The following CD38 variants were observed in gnomAD, a reference collection of about 807,000 sequenced individuals.
CD38 encodes CD38 molecule.
CD38 carries 31 observed loss-of-function variants against 36.3 expected under a neutral mutation model. The observed-to-expected ratio is 0.85, with a 90% CI of 0.64 to 1.15. CD38 has a LOEUF of 1.15. Ranked by LOEUF, CD38 falls within the 50% of genes most tolerant of loss-of-function variation. The pLI is 0.00. For synonymous variants in CD38, 131 were observed against 135.2 expected (o/e 0.97, Z 0.22); for missense variants, 380 against 371.9 (o/e 1.02, Z -0.18).
At chr4:15,788,488 A>G (rs1577633995) in intron 1 of CD38, among the ~76,000 whole-genome samples, 1 of 134,332 alleles carries the variant, frequency 7.4e-6, no homozygotes, top group African/African-American at 2.7e-5. Context: ...CAGGTCCCCA[A>G]ACAGAGGGGA....
chr4:15,829,517 C>T lies in CD38; in HGVS notation c.499+4501C>T, dbSNP rs1305109586. ...GGGCTGAAAAAAAATCGCAAAAAAT[C>T]TCCTAATTTCTAAGAAAGTTTATGA... On this transcript the variant is annotated intron_variant, in intron 3 of 7. Coordinates refer to ENST00000226279, the MANE Select transcript of CD38 (RefSeq NM_001775.4). Among the ~76,000 whole-genome samples, 4 of 152,178 alleles carry T rather than the reference C, an allele frequency of 2.6e-5. No homozygotes were observed. The South Asian group carries it at 8.3e-4, about 32-fold the overall frequency.
intron 1 of CD38, among the ~76,000 whole-genome samples, chr4:15,809,756 C>T (rs1723424835): frequency 6.6e-6 from 1 of 152,200 alleles, no homozygotes; most frequent in Non-Finnish European, 1.5e-5. Context: ...CTGATGAAGA[C>T]TTCCAATTTT....
intron 1 of CD38, among the ~76,000 whole-genome samples, chr4:15,780,363 C>G (rs1264146201): frequency 7.9e-5 from 12 of 152,126 alleles, no homozygotes; most frequent in African/African-American, 2.9e-4. Context: ...TAATTGTTCC[C>G]TCAGTATCAG....
chr4:15,805,814 C>T (rs1021281007), intron 1 of CD38, among the ~76,000 whole-genome samples: 1 of 152,178 alleles, frequency 6.6e-6, no homozygotes, highest in South Asian at 2.1e-4. Context: ...CAGTCTTTAC[C>T]TTCAACACAG....
intron 1 of CD38, among the ~76,000 whole-genome samples, chr4:15,786,457 T>C (rs576549623): frequency 6.6e-6 from 1 of 152,086 alleles, no homozygotes; most frequent in Non-Finnish European, 1.5e-5. Flanking sequence ...ATCCCTTAGC[T>C]AGACATAAAG....
At chr4:15,801,674 C>T (rs528237200) in intron 1 of CD38, among the ~76,000 whole-genome samples, 17 of 152,110 alleles carry the variant, frequency 1.1e-4, no homozygotes, top group Non-Finnish European at 1.5e-4. Context: ...ATCCCATCAA[C>T]GGAATGAAGG....
chr4:15,794,082 TAA>T (rs1349721759), intron 1 of CD38, among the ~76,000 whole-genome samples: 4 of 152,192 alleles, frequency 2.6e-5, no homozygotes, highest in Non-Finnish European at 4.4e-5. Flanking sequence ...AAACAACTCG[TAA>T]GTTTTAAATT....
intron 7 of CD38, among the ~76,000 whole-genome samples, chr4:15,841,040 TA>T (rs577007427): frequency 1.4e-4 from 21 of 148,850 alleles, no homozygotes; most frequent in Admixed American, 2.7e-4. Context: ...TTTTTTAAAT[TA>T]AAAAAAAAAG....
intron 1 of CD38, among the ~76,000 whole-genome samples, chr4:15,801,306 T>G (rs1723218578): frequency 6.6e-6 from 1 of 151,846 alleles, no homozygotes; most frequent in Non-Finnish European, 1.5e-5. Context: ...ATAAAAAGTT[T>G]CCCAATTAAA....
At chr4:15,841,988 C>T (rs1476663864) in intron 7 of CD38, among the ~76,000 whole-genome samples, 7 of 141,504 alleles carry the variant, frequency 4.9e-5, no homozygotes, top group Admixed American at 2.1e-4. Context: ...GGGGGAGGGG[C>T]GCCCGCCATT....
At chr4:15,794,635 A>G (rs1042450936) in intron 1 of CD38, among the ~76,000 whole-genome samples, 6 of 152,142 alleles carry the variant, frequency 3.9e-5, no homozygotes, top group Non-Finnish European at 8.8e-5. Context: ...AACAAATTCA[A>G]GAAAAAAACA....
intron 4 of CD38, among the ~76,000 whole-genome samples, chr4:15,837,693 C>G (rs1323000356): frequency 1.3e-5 from 2 of 152,112 alleles, no homozygotes; most frequent in African/African-American, 4.8e-5. Flanking sequence ...TATGGTGTTC[C>G]CATTTCCCTC....
At chr4:15,831,553 A>T (rs1278388605) in intron 3 of CD38, among the ~76,000 whole-genome samples, 1 of 151,744 alleles carries the variant, frequency 6.6e-6, no homozygotes, top group African/African-American at 2.4e-5. Context: ...CAGATATACT[A>T]TTCTAGAGTA....
chr4:15,780,538 A>ACACACACACACACACACG (rs1560303850), intron 1 of CD38, among the ~76,000 whole-genome samples: 35 of 150,936 alleles, frequency 2.3e-4, no homozygotes, highest in Middle Eastern at 6.8e-3. Context: ...ACACACACAC[A>ACACACACACACACACACG]CACACACACA....
chr4:15,829,751 C>T (rs1461816706), intron 3 of CD38, among the ~76,000 whole-genome samples: 2 of 152,130 alleles, frequency 1.3e-5, no homozygotes, highest in African/African-American at 2.4e-5. Flanking sequence ...GCTACACTTC[C>T]CAGCGTCTGG....
intron 7 of CD38, among the ~76,000 whole-genome samples, chr4:15,841,451 T>G (rs1424807312): frequency 6.6e-6 from 1 of 152,188 alleles, no homozygotes; most frequent in East Asian, 1.9e-4. Context: ...CTTGCTTCTA[T>G]CTGGAAACAG....
At chr4:15,808,504 C>T (rs1377369236) in intron 1 of CD38, among the ~76,000 whole-genome samples, 1 of 152,160 alleles carries the variant, frequency 6.6e-6, no homozygotes, top group East Asian at 1.9e-4. Flanking sequence ...TTTGTTATGA[C>T]CCCCATTGTA....
chr4:15,812,746 G>A (rs148500206), intron 1 of CD38, among the ~76,000 whole-genome samples: 2 of 152,232 alleles, frequency 1.3e-5, no homozygotes, highest in African/African-American at 4.8e-5. Context: ...ATCCATGAAT[G>A]TAGAATGTTT....
chr4:15,788,559 T>C (rs752065723), intron 1 of CD38, among the ~76,000 whole-genome samples: 13 of 152,048 alleles, frequency 8.5e-5, no homozygotes, highest in Admixed American at 1.3e-4. Context: ...CTTGGATGAA[T>C]CTGATGGGAG....
Sources: allele counts gnomAD v4.1 joint callset (sites outside exome capture counted in the v4.1 genomes callset), GRCh38; gene constraint gnomAD v4.1.1; transcripts MANE v1.5; gene names NCBI Gene and HGNC (gene_info 2026-07-23, HGNC 2026-07-21).